ARMC5: variants seen among roughly 807,000 people sequenced by gnomAD.
ARMC5 encodes the protein armadillo repeat-containing protein 5.
In ARMC5, 28 loss-of-function variants were observed where a neutral mutation model predicts 60.5. That is an observed-to-expected ratio of 0.46 (90% CI 0.34 to 0.63). The LOEUF (loss-of-function observed/expected upper bound fraction) is 0.63, where lower values mean the gene tolerates loss of function less well. ARMC5 is among the 30% of genes least tolerant of loss of function. The probability of loss-of-function intolerance (pLI) is 0.01; values close to 1 mark genes in which losing one functional copy is unlikely to be tolerated. For missense variants in ARMC5, 1,189 were observed against 1,304.9 expected (o/e 0.91, Z 1.37); for synonymous variants, 680 against 607.3 (o/e 1.12, Z -1.76).
chr16:31,460,863 T>C (rs2082298440), intron 1 of ARMC5, among the ~76,000 whole-genome samples: 1 of 152,224 alleles, frequency 6.6e-6, no homozygotes, highest in Admixed American at 6.5e-5. Context: ...CCAGCTAAAT[T>C]GGTGCCTCCT....
chr16:31,459,339 A>T (rs1265150606), upstream of ARMC5: 11 of 1,535,460 alleles, frequency 7.2e-6, no homozygotes, highest in Non-Finnish European at 9.6e-6. Flanking sequence ...GCTGCGATTA[A>T]GGTACTGCCG....
intron 1 of ARMC5, 94 bp downstream of exon 1, chr16:31,460,093 C>T (rs1012503996): frequency 2.2e-6 from 3 of 1,338,450 alleles, no homozygotes; most frequent in East Asian, 2.4e-5. Context: ...TGTCCTATCC[C>T]GGAATAACGT....
In ARMC5 at chr16:31,466,255, C is replaced by T. The variant is rs752496774; in HGVS notation, c.2174C>T (p.Pro725Leu). 1 of 1,613,904 alleles carries T rather than the reference C, an allele frequency of 6.2e-7. No homozygotes were observed. ...TVSPAVPQAV[P>L]MDLDSPSPCL... ...AGCCCAGCTGTCCCACAGGCAGTCCCCATGGACCTAGACTCACCTTCCCCT... is the reference window on the plus strand; with the variant it reads ...AGCCCAGCTGTCCCACAGGCAGTCCTCATGGACCTAGACTCACCTTCCCCT... Residue 725 changes from proline (P) to leucine (L), a missense_variant, in exon 6 of 6, where the codon CCC (proline) becomes CTC (leucine). Pro to Leu is a moderately conservative substitution (Grantham distance 98). This residue lies in a region of ARMC5 where 862 missense variants were observed against 1,071.2 expected (regional missense o/e 0.80). Transcript: ENST00000268314. This position sits in a 1 kb window ranked among gnomAD's most constrained non-coding sequence, Gnocchi z 8.0.
Position 31,466,193 on chromosome 16 carries a change from C to T in ARMC5, c.2112C>T (p.Ser704=), listed in dbSNP as rs762263861. Residue 704 remains serine (S), a synonymous_variant, in exon 6 of 6, where the codon TCC becomes TCT. Coordinates refer to ENST00000268314, the MANE Select transcript of ARMC5 (RefSeq NM_001105247.2). This position sits in a 1 kb window ranked among gnomAD's most constrained non-coding sequence, Gnocchi z 8.0. ...TCTTCCTCTTCTTTGCCGCGGACTCCCTTTCCTGCCTCCAAGACCTGGTGT... is the reference window on the plus strand; with the variant it reads ...TCTTCCTCTTCTTTGCCGCGGACTCTCTTTCCTGCCTCCAAGACCTGGTGT... ...HPLFLFFAAD[S]LSCLQDLVSP... 1.4e-5 allele frequency: 22 copies of T among 1,612,810 alleles called. No individual in the cohort carries two copies. The highest frequency in any genetic ancestry group is 1.2e-4 in the African/African-American group (9 of 74,934).
At chr16:31,459,146 C>G, upstream of ARMC5, 1 of 1,498,482 alleles carries the variant, frequency 6.7e-7, no homozygotes, top group Non-Finnish European at 8.9e-7. Context: ...AGGCGGTCCC[C>G]GCCGAGTGCA....
intron 4 of ARMC5, chr16:31,465,641 G>T: frequency 7.1e-7 from 1 of 1,414,938 alleles, no homozygotes; most frequent in Non-Finnish European, 9.1e-7. Flanking sequence ...CACTTCAGGG[G>T]CCCAGACTTA....
In ARMC5 at chr16:31,464,852, C is replaced by T; in HGVS notation, c.1829C>T (p.Ala610Val). 6.3e-7 allele frequency: 1 copy of T among 1,598,904 alleles called. No homozygotes were observed. The highest frequency in any genetic ancestry group is 1.7e-4 in the Middle Eastern group (1 of 6,052). Residue 610 changes from alanine (A) to valine (V), a missense_variant, in exon 4 of 6, where the codon GCC (alanine) becomes GTC (valine). By Grantham distance (64) the Ala-to-Val change is moderately conservative. Transcript: ENST00000268314. This position sits in a 1 kb window ranked among gnomAD's most constrained non-coding sequence, Gnocchi z 7.6. ...VAPDDWPAPR[A>V]RPTLHSRHRE... ...CCTGACGATTGGCCGGCACCACGTG[C>T]CCGGCCCACTCTCCACAGCCGGCAC...
Position 31,464,787 on chromosome 16 carries a change from CGCGGCGCTGCT to C in ARMC5, c.1769_1779del (p.Ala590GlyfsTer10). The C allele has an allele frequency of 6.3e-7, 1 of 1,598,768 alleles. No homozygotes were observed. Reference sequence around the variant, plus strand: ...TCGAGGCCTTCGTGCGCAGCTATGGCGCGGCGCTGCTGCGGGCCTGGCTGGTGCTGGGGGTG... The same window carrying C: ...TCGAGGCCTTCGTGCGCAGCTATGGCGCGGGCCTGGCTGGTGCTGGGGGTG... On this transcript the variant is annotated frameshift_variant, in exon 4 of 6. Transcript: ENST00000268314. LOFTEE classifies it high-confidence loss of function. This position sits in a 1 kb window ranked among gnomAD's most constrained non-coding sequence, Gnocchi z 7.6.
chr16:31,459,914 C>G lies in ARMC5; in HGVS notation c.390C>G (p.Asp130Glu), dbSNP rs140265866. The part of the protein sequence containing the change: ...TPPVRLRKTL[D>E]LALSILADCC... ...CAGTGCGCCTGCGCAAGACGCTGGA[C>G]TTGGCGCTCAGCATCCTAGCCGATT... The change falls in exon 1 of 6, where the codon GAC (aspartate) becomes GAG (glutamate). Residue 130 changes from aspartate to glutamate, a missense_variant. This residue lies in a region of ARMC5 where 327 missense variants were observed against 233.7 expected (regional missense o/e 1.40). Coordinates refer to ENST00000268314, the MANE Select transcript of ARMC5 (RefSeq NM_001105247.2). 8 of 1,606,456 alleles carry G rather than the reference C, an allele frequency of 5.0e-6. No individual in the cohort carries two copies. The African/African-American group carries it at 8.0e-5, about 16-fold the overall frequency.
chr16:31,460,825 C>G (rs2082298162), intron 1 of ARMC5, among the ~76,000 whole-genome samples: 1 of 152,150 alleles, frequency 6.6e-6, no homozygotes, highest in Non-Finnish European at 1.5e-5. Context: ...AAGAACAAAT[C>G]CTAGCAAAAC....
upstream of ARMC5, chr16:31,459,347 C>A: frequency 6.5e-7 from 1 of 1,535,812 alleles, no homozygotes; most frequent in Non-Finnish European, 8.7e-7. Flanking sequence ...TAAGGTACTG[C>A]CGCGCCTCGT....
In ARMC5 at chr16:31,467,013, A is replaced by G; in HGVS notation, c.*124A>G. 8.2e-7 allele frequency: 1 copy of G among 1,222,368 alleles called. No homozygotes were observed. Among genetic ancestry groups the G allele is most frequent in the Non-Finnish European group, 1.1e-6 (1 of 933,076 alleles). 75.7% of individuals were successfully genotyped at this position (1,222,368 alleles called of 1,614,324 possible). On this transcript the variant is annotated 3_prime_UTR_variant, in exon 6 of 6. Coordinates refer to ENST00000268314, the MANE Select transcript of ARMC5 (RefSeq NM_001105247.2). The stretch of plus-strand genomic sequence containing the variant: ...CATGGAGGAGCGGTGAGAACATGGA[A>G]CCGGACTCCAAGATGACGATCTAAA...
In ARMC5 at chr16:31,459,964, C is replaced by A; in HGVS notation, c.440C>A (p.Thr147Asn). The change falls in exon 1 of 6, where the codon ACC becomes AAC. Residue 147 changes from threonine to asparagine, a missense_variant. Coordinates refer to ENST00000268314, the MANE Select transcript of ARMC5 (RefSeq NM_001105247.2). ...ADCCTEGACR[T>N]EVRRLGGILP... ...TGCTGTACGGAAGGGGCGTGCCGGA[C>A]CGAAGTGCGCAGACTCGGAGGCATA... 6.2e-7 allele frequency: 1 copy of A among 1,601,288 alleles called. No homozygotes were observed. The highest frequency in any genetic ancestry group is 8.5e-7 in the Non-Finnish European group (1 of 1,179,238).
chr16:31,466,861 T>C lies in ARMC5; in HGVS notation c.2780T>C (p.Ile927Thr), dbSNP rs1259018640. 6 of 1,583,174 alleles carry C rather than the reference T, an allele frequency of 3.8e-6. No individual in the cohort carries two copies. Among genetic ancestry groups the C allele is most frequent in the Non-Finnish European group, 5.1e-6 (6 of 1,166,484 alleles). Residue 927 changes from isoleucine (I) to threonine (T), a missense_variant, in exon 6 of 6, where the codon ATT becomes ACT. This residue lies in a region of ARMC5 where 862 missense variants were observed against 1,071.2 expected (regional missense o/e 0.80). Transcript: ENST00000268314. The surrounding 1 kb of genome is among the most constrained non-coding windows in gnomAD (Gnocchi z 8.0). ...TEALLAVVMG[I>T]ELGARVPA The stretch of plus-strand genomic sequence containing the variant: ...GCTTTGCTGGCTGTGGTGATGGGGA[T>C]TGAGTTGGGGGCAAGGGTCCCTGCC...
intron 4 of ARMC5, chr16:31,465,631 C>T: frequency 7.1e-7 from 1 of 1,405,078 alleles, no homozygotes; most frequent in Non-Finnish European, 9.2e-7. Context: ...TTGCCGCCCA[C>T]ACTTCAGGGG....
upstream of ARMC5, chr16:31,459,281 G>A (rs1490479881): frequency 6.5e-7 from 1 of 1,534,418 alleles, no homozygotes. Context: ...TGAGAAGCTC[G>A]ACGCGGACCA....
At position 31,466,940 on chromosome 16, in the gene ARMC5, G is replaced by T; in HGVS notation, c.*51G>T. 1 of 1,459,788 alleles carries T rather than the reference G, an allele frequency of 6.9e-7. No individual in the cohort carries two copies. The highest frequency in any genetic ancestry group is 9.0e-7 in the Non-Finnish European group (1 of 1,106,436). The allele number at this position is 1,459,788 out of a possible 1,614,324, so 90.4% of individuals were successfully genotyped here. On this transcript the variant is annotated 3_prime_UTR_variant, in exon 6 of 6. Coordinates refer to ENST00000268314, the MANE Select transcript of ARMC5 (RefSeq NM_001105247.2). This position sits in a 1 kb window ranked among gnomAD's most constrained non-coding sequence, Gnocchi z 8.0. ...ACCCAAGGATGAATTGGCTGTGAAG[G>T]ATCCTCCCTGAGACTGGCAAGGGAG...
At chr16:31,460,119 A>G in intron 1 of ARMC5, 120 bp downstream of exon 1, 1 of 1,111,072 alleles carries the variant, frequency 9.0e-7, no homozygotes, top group Non-Finnish European at 1.3e-6. Flanking sequence ...GTGATGGCGC[A>G]TCGCTCCTGT....
intron 1 of ARMC5, among the ~76,000 whole-genome samples, chr16:31,461,497 A>T (rs1226840196): frequency 6.6e-6 from 1 of 151,880 alleles, no homozygotes; most frequent in Non-Finnish European, 1.5e-5. Context: ...ACCCAGCCCG[A>T]GTGTTAGCCT....
Sources: gnomAD v4.1 joint callset for allele counts (sites outside exome capture counted in the v4.1 genomes callset) on GRCh38, gnomAD v4.1.1 for gene constraint, gnomAD v4.1.1 regional missense constraint, Gnocchi (gnomAD v3.1) non-coding constraint, MANE v1.5 for transcripts, NCBI Gene and HGNC (gene_info 2026-07-23, HGNC 2026-07-21) for gene names.